ASTN2: variants seen among roughly 807,000 people sequenced by gnomAD.
The protein encoded by ASTN2 is astrotactin 2, also known as astrotactin-2.
In ASTN2, 54 loss-of-function variants were observed where a neutral mutation model predicts 139.8. The ratio of observed to expected loss-of-function variants is 0.39; its 90% CI spans 0.31 to 0.48. The LOEUF (loss-of-function observed/expected upper bound fraction) is 0.48. Among genes scored for constraint, ASTN2 ranks in the 20% least tolerant of loss-of-function variants. The probability of loss-of-function intolerance (pLI) is 0.95; values close to 1 mark genes in which losing one functional copy is unlikely to be tolerated. For missense variants in ASTN2, 1,565 were observed against 1,725.1 expected (o/e 0.91, Z 1.64); for synonymous variants, 756 against 719.5 (o/e 1.05, Z -0.81).
intron 19 of ASTN2, among the ~76,000 whole-genome samples, chr9:116,592,440 C>A (rs187561680): frequency 6.6e-6 from 1 of 151,966 alleles, no homozygotes; most frequent in Non-Finnish European, 1.5e-5. Context: ...ACAAGAACAG[C>A]CACAAAGGGG....
rs76894350 is a variant in ASTN2, at chr9:116,896,416, G to A, written c.1890-32683C>T. Among the ~76,000 whole-genome samples, 196 of 152,038 alleles carry A rather than the reference G, an allele frequency of 1.3e-3. No individual in the cohort carries two copies. The East Asian group carries it at 0.018, about 14-fold the overall frequency. ...CAATGGCATTATCTTGGCCTACTCC[G>A]CCTCCCAGGTTCAAGCAATCCTCCT... On this transcript the variant is annotated intron_variant, in intron 10 of 22. Transcript: ENST00000313400.
intron 19 of ASTN2, among the ~76,000 whole-genome samples, chr9:116,564,340 A>G: frequency 6.6e-6 from 1 of 152,188 alleles, no homozygotes; most frequent in East Asian, 1.9e-4. Context: ...AAATGATGGC[A>G]TGGCAACCCT....
chr9:117,374,913 A>T (rs2130918802), intron 1 of ASTN2, among the ~76,000 whole-genome samples: 1 of 152,282 alleles, frequency 6.6e-6, no homozygotes, highest in East Asian at 1.9e-4. Flanking sequence ...AAGACCCATC[A>T]TTTCAGATCC....
intron 1 of ASTN2, among the ~76,000 whole-genome samples, chr9:117,307,857 C>T (rs920610832): frequency 3.9e-5 from 6 of 152,190 alleles, no homozygotes; most frequent in African/African-American, 1.4e-4. Context: ...ACGTTTTGCA[C>T]TCAAACAGAA....
chr9:117,194,325 T>C (rs991758311), intron 3 of ASTN2, among the ~76,000 whole-genome samples: 7 of 152,322 alleles, frequency 4.6e-5, no homozygotes, highest in African/African-American at 1.7e-4. Context: ...CTGTTCCCAC[T>C]GTGGCCTCTG....
intron 2 of ASTN2, among the ~76,000 whole-genome samples, chr9:117,280,430 G>A (rs888500163): frequency 3.9e-5 from 6 of 152,128 alleles, no homozygotes; most frequent in African/African-American, 1.2e-4. Context: ...AAAATCTTAT[G>A]TATAACAATC....
At chr9:116,529,043 A>G (rs1851213253) in intron 19 of ASTN2, among the ~76,000 whole-genome samples, 1 of 152,196 alleles carries the variant, frequency 6.6e-6, no homozygotes, top group African/African-American at 2.4e-5. Flanking sequence ...ACACAGTGTC[A>G]CCACTGGCTC....
chr9:116,718,769 C>T (rs1205639315), intron 16 of ASTN2, among the ~76,000 whole-genome samples: 3 of 151,776 alleles, frequency 2.0e-5, no homozygotes, highest in Non-Finnish European at 4.4e-5. Context: ...AGCCTGCCAG[C>T]CTTCGGACTG....
chr9:116,459,324 G>C (rs1018075026), intron 20 of ASTN2, among the ~76,000 whole-genome samples: 2 of 151,952 alleles, frequency 1.3e-5, no homozygotes, highest in East Asian at 3.9e-4. Flanking sequence ...GAAGACATAA[G>C]AGAAAATCTT....
chr9:116,917,938 A>C (rs1834497087), intron 10 of ASTN2, among the ~76,000 whole-genome samples: 1 of 152,096 alleles, frequency 6.6e-6, no homozygotes, highest in South Asian at 2.1e-4. Flanking sequence ...GTGTTGTGGG[A>C]GGGACCCAGG....
chr9:117,391,411 T>A (rs2130945454), intron 1 of ASTN2, among the ~76,000 whole-genome samples: 1 of 152,262 alleles, frequency 6.6e-6, no homozygotes, highest in East Asian at 1.9e-4. Flanking sequence ...GCAAGTCACA[T>A]CTTATGTGGA....
intron 19 of ASTN2, among the ~76,000 whole-genome samples, chr9:116,502,566 T>C (rs1333102732): frequency 6.8e-6 from 1 of 148,084 alleles, no homozygotes; most frequent in African/African-American, 2.5e-5. Context: ...GAAAGACAGA[T>C]AGAAATAGAG....
intron 1 of ASTN2, among the ~76,000 whole-genome samples, chr9:117,315,075 C>G (rs1005412308): frequency 1.3e-5 from 2 of 151,096 alleles, no homozygotes; most frequent in South Asian, 2.1e-4. Flanking sequence ...CAAATGCTTA[C>G]TCCAACATAC....
chr9:116,467,273 T>C (rs78561089), intron 20 of ASTN2, among the ~76,000 whole-genome samples: 5,617 of 146,362 alleles, frequency 0.038, 342 homozygotes, highest in African/African-American at 0.13. Context: ...AGAGTCCTTT[T>C]TTTTCTTCTT....
In ASTN2 at chr9:116,699,031, C is replaced by T. The variant is rs1241500676; in HGVS notation, c.2806+26740G>A. On this transcript the variant is annotated intron_variant, in intron 16 of 22. Coordinates refer to ENST00000313400, the MANE Select transcript of ASTN2 (RefSeq NM_001365068.1). The surrounding 1 kb of genome is among the most constrained non-coding windows in gnomAD (Gnocchi z 4.2). ...CTTGGGGCAGATCTACCCAACCTCA[C>T]TCCTCTCTCAGTGGCAATGAACTGC... is the stretch of plus-strand genomic sequence containing the variant. 1 of 1,614,048 alleles carries T rather than the reference C, an allele frequency of 6.2e-7. No homozygotes were observed. Among genetic ancestry groups the T allele is most frequent in the Non-Finnish European group, 8.5e-7 (1 of 1,180,030 alleles).
intron 10 of ASTN2, among the ~76,000 whole-genome samples, chr9:116,941,738 G>C (rs1424316875): frequency 6.6e-6 from 1 of 152,018 alleles, no homozygotes; most frequent in Non-Finnish European, 1.5e-5. Context: ...AATTAATATG[G>C]AACCAATACT....
intron 1 of ASTN2, among the ~76,000 whole-genome samples, chr9:117,385,649 A>G (rs1364748881): frequency 6.6e-6 from 1 of 152,128 alleles, no homozygotes; most frequent in Non-Finnish European, 1.5e-5. Context: ...AGGACTGTTC[A>G]GCTCAAGCAA....
intron 7 of ASTN2, among the ~76,000 whole-genome samples, chr9:116,979,492 T>C (rs1315188290): frequency 6.6e-6 from 1 of 152,076 alleles, no homozygotes; most frequent in Non-Finnish European, 1.5e-5. Flanking sequence ...GCCTTGAATG[T>C]GGATGTAAAT....
chr9:117,227,114 G>T (rs143305900), intron 2 of ASTN2, among the ~76,000 whole-genome samples: 1,685 of 152,190 alleles, frequency 0.011, 38 homozygotes, highest in African/African-American at 0.039. Context: ...TGGGGGTTAG[G>T]GGAGTTGGTG....
Sources: gnomAD v4.1 joint callset for allele counts (sites outside exome capture counted in the v4.1 genomes callset) on GRCh38, gnomAD v4.1.1 for gene constraint, Gnocchi (gnomAD v3.1) non-coding constraint, MANE v1.5 for transcripts, NCBI Gene and HGNC (gene_info 2026-07-23, HGNC 2026-07-21) for gene names.